SNX24: variants seen among roughly 807,000 people sequenced by gnomAD.
SNX24 encodes the protein sorting nexin-24.
SNX24 carries 22 observed loss-of-function variants against 28.7 expected under a neutral mutation model. The observed-to-expected ratio is 0.77, with a 90% CI of 0.55 to 1.10. SNX24 has a LOEUF of 1.10. Ranked by LOEUF, SNX24 falls within the 50% of genes least tolerant of loss-of-function variation. SNX24 has a pLI of 0.00. For synonymous variants in SNX24, 69 were observed against 71.5 expected, an observed-to-expected ratio of 0.96 and a Z score of 0.18; for missense variants, 221 against 201.1, an observed-to-expected ratio of 1.10 and a Z score of -0.60.
chr5:122,936,863 G>A, intron 2 of SNX24, 46 bp downstream of exon 2: 1 of 1,206,420 alleles, frequency 8.3e-7, no homozygotes, highest in Non-Finnish European at 1.2e-6. Flanking sequence ...GTGGCAGATG[G>A]TATAATGTTA....
chr5:123,007,805 A>G lies in SNX24; in HGVS notation c.*56A>G. ...AAGTTTCGAAGTCACAGTCAAGGAA[A>G]TCAATACCTACCAATTTAACCTAAA... On this transcript the variant is annotated 3_prime_UTR_variant, in exon 7 of 7. Transcript: ENST00000261369. 1.9e-6 allele frequency: 3 copies of G among 1,575,944 alleles called. No individual in the cohort carries two copies. Among genetic ancestry groups the G allele is most frequent in the Non-Finnish European group, 2.6e-6 (3 of 1,169,554 alleles).
chr5:122,927,934 T>C (rs367711770), intron 1 of SNX24, among the ~76,000 whole-genome samples: 41 of 152,348 alleles, frequency 2.7e-4, no homozygotes, highest in African/African-American at 7.9e-4. Flanking sequence ...CCGCAGCCAG[T>C]TGATGGTGGC....
At chr5:123,026,479 T>C (rs1762856126) in intron 5 of SNX24, among the ~76,000 whole-genome samples, 2 of 152,066 alleles carry the variant, frequency 1.3e-5, no homozygotes, top group African/African-American at 4.8e-5. Flanking sequence ...CCCTGAAGAG[T>C]AGGTATTCTC....
chr5:122,966,571 C>G (rs1760723433), intron 3 of SNX24, among the ~76,000 whole-genome samples: 1 of 152,142 alleles, frequency 6.6e-6, no homozygotes, highest in Non-Finnish European at 1.5e-5. Flanking sequence ...GTAATTGACC[C>G]CTAGACTAGA....
chr5:122,983,375 C>T (rs1761469286), intron 3 of SNX24, among the ~76,000 whole-genome samples: 1 of 152,106 alleles, frequency 6.6e-6, no homozygotes, highest in South Asian at 2.1e-4. Flanking sequence ...TGTCTTAAGA[C>T]ACTTAGAACC....
rs62377382 is a variant in SNX24 at position 122,845,980 on chromosome 5, G to A, written c.60+287G>A. On this transcript the variant is annotated intron_variant, in intron 1 of 6. Transcript: ENST00000261369. ...GCACTAGCCATTCTCCCCGCCGCCC[G>A]CCTTCGGGAGCCCAGGATGGGCTGC... Among the ~76,000 whole-genome samples the A allele has an allele frequency of 6.2e-3, 942 of 152,318 alleles. 6 individuals carry two copies. Among genetic ancestry groups the A allele is most frequent in the Middle Eastern group, 0.044 (13 of 294 alleles).
chr5:122,977,307 A>G (rs964576482), intron 3 of SNX24, among the ~76,000 whole-genome samples: 2 of 152,106 alleles, frequency 1.3e-5, no homozygotes, highest in African/African-American at 2.4e-5. Context: ...CACCCAATCT[A>G]TCAACCCTCT....
intron 1 of SNX24, among the ~76,000 whole-genome samples, chr5:122,862,336 C>T (rs576357248): frequency 6.6e-6 from 1 of 152,206 alleles, no homozygotes; most frequent in South Asian, 2.1e-4. Flanking sequence ...AAGAAAGAGG[C>T]TGGGCTCAGT....
intron 2 of SNX24, 41 bp from the exon 3 acceptor site, chr5:122,946,014 G>GTTTTTTTTTTTTTTTTTTTTTTTT (rs574269067): frequency 2.3e-6 from 2 of 877,816 alleles, no homozygotes; most frequent in African/African-American, 1.8e-5. Context: ...AGACATCTCT[G>GTTTTTTTTTTTTTTTTTTTTTTTT]TTTTTTTTTT....
intron 1 of SNX24, among the ~76,000 whole-genome samples, chr5:122,847,371 G>A (rs1339596079): frequency 6.6e-6 from 1 of 152,074 alleles, no homozygotes; most frequent in East Asian, 1.9e-4. Context: ...TGTGGAAGGA[G>A]CTCTTTTTTG....
intron 1 of SNX24, among the ~76,000 whole-genome samples, chr5:122,912,550 T>G (rs1327474892): frequency 2.6e-5 from 4 of 152,170 alleles, no homozygotes; most frequent in Admixed American, 2.6e-4. Flanking sequence ...CTTGTGCCAG[T>G]TTTGAAAGGG....
intron 1 of SNX24, among the ~76,000 whole-genome samples, chr5:122,849,533 T>C (rs767251660): frequency 4.6e-5 from 7 of 151,468 alleles, no homozygotes; most frequent in Non-Finnish European, 1.0e-4. Context: ...TTGTGAATTT[T>C]AGAAAGAGGA....
chr5:122,926,700 T>C (rs1758711523), intron 1 of SNX24, among the ~76,000 whole-genome samples: 1 of 152,058 alleles, frequency 6.6e-6, no homozygotes, highest in African/African-American at 2.4e-5. Context: ...TAGCCAACAG[T>C]GAGATATGGT....
chr5:123,001,826 C>G (rs1411853638), intron 5 of SNX24, 114 bp from the exon 6 acceptor site: 5 of 845,804 alleles, frequency 5.9e-6, no homozygotes, highest in Middle Eastern at 2.3e-4. Flanking sequence ...ACTGTTAGAA[C>G]ATAAACCTTG....
intron 1 of SNX24, among the ~76,000 whole-genome samples, chr5:122,868,786 C>T (rs1345164585): frequency 6.6e-6 from 1 of 151,988 alleles, no homozygotes; most frequent in Non-Finnish European, 1.5e-5. Flanking sequence ...TTCACTCAGC[C>T]TATAGGATTA....
intron 3 of SNX24, among the ~76,000 whole-genome samples, chr5:122,976,359 G>A (rs183823199): frequency 3.7e-4 from 56 of 149,358 alleles, no homozygotes; most frequent in African/African-American, 1.3e-3. Flanking sequence ...TTAAAGTGCT[G>A]TTTAAGTGTA....
At chr5:122,938,396 A>G (rs1759275129) in intron 2 of SNX24, among the ~76,000 whole-genome samples, 1 of 152,250 alleles carries the variant, frequency 6.6e-6, no homozygotes, top group African/African-American at 2.4e-5. Flanking sequence ...TTATAATTAT[A>G]TAATGAGGTC....
intron 5 of SNX24, among the ~76,000 whole-genome samples, chr5:123,024,531 G>GCC (rs1176856825): frequency 2.0e-5 from 3 of 152,150 alleles, no homozygotes; most frequent in African/African-American, 7.2e-5. Context: ...TGTAACCCCA[G>GCC]CCCCCCACAG....
At chr5:122,968,902 A>G (rs1227302998) in intron 3 of SNX24, among the ~76,000 whole-genome samples, 1 of 152,134 alleles carries the variant, frequency 6.6e-6, no homozygotes. Flanking sequence ...TAGTTGGCAC[A>G]GTAGTATCTT....
Sources: gnomAD v4.1 joint callset for allele counts (sites outside exome capture counted in the v4.1 genomes callset) on GRCh38, gnomAD v4.1.1 for gene constraint, MANE v1.5 for transcripts, NCBI Gene and HGNC (gene_info 2026-07-23, HGNC 2026-07-21) for gene names.